CCDC60: variants seen among roughly 807,000 people sequenced by gnomAD.
CCDC60 encodes coiled-coil domain-containing protein 60.
Under a neutral mutation model 63.5 loss-of-function variants are expected in CCDC60, and 54 were observed. The observed-to-expected ratio is 0.85, with a 90% CI of 0.68 to 1.07. The LOEUF (loss-of-function observed/expected upper bound fraction) is 1.07. CCDC60 is among the 50% of genes least tolerant of loss of function. CCDC60 has a pLI of 0.00. For synonymous variants in CCDC60, 206 were observed against 238.8 expected, an observed-to-expected ratio of 0.86 and a Z score of 1.27; for missense variants, 651 against 684.3, an observed-to-expected ratio of 0.95 and a Z score of 0.54.
At chr12:119,359,453 T>G (rs952427120) in intron 1 of CCDC60, among the ~76,000 whole-genome samples, 1 of 152,200 alleles carries the variant, frequency 6.6e-6, no homozygotes, top group African/African-American at 2.4e-5. Context: ...TCCTAATAAG[T>G]ACTGTCCTCA....
At chr12:119,435,759 A>G (rs1257342360) in intron 2 of CCDC60, among the ~76,000 whole-genome samples, 1 of 152,078 alleles carries the variant, frequency 6.6e-6, no homozygotes, top group African/African-American at 2.4e-5. Flanking sequence ...CCCAAAACTC[A>G]GTAACTTAAA....
At chr12:119,455,988 AG>A (rs1199931917) in intron 2 of CCDC60, among the ~76,000 whole-genome samples, 1 of 49,368 alleles carries the variant, frequency 2.0e-5, no homozygotes, top group African/African-American at 1.2e-4. Context: ...GGAGAGAGAA[AG>A]AGAGAGAGAA....
rs376983806 is a variant in CCDC60 at position 119,335,124 on chromosome 12, C to G, written c.-53C>G. 2.7e-4 allele frequency: 401 copies of G among 1,467,270 alleles called. 1 individual carries two copies. In the African/African-American group the frequency reaches 3.8e-3, roughly 14 times the overall value. The allele number at this position is 1,467,270 out of a possible 1,614,324, so 90.9% of individuals were successfully genotyped here. On this transcript the variant is annotated 5_prime_UTR_variant, in exon 1 of 14. Coordinates refer to ENST00000327554, the MANE Select transcript of CCDC60 (RefSeq NM_178499.5). Reference sequence around the variant, plus strand: ...CCAGTAACTACTGAAGTAGAAGATTCTGGAAAAATCCTTGTCTTGGGGGCA... The same window carrying G: ...CCAGTAACTACTGAAGTAGAAGATTGTGGAAAAATCCTTGTCTTGGGGGCA...
At chr12:119,370,092 T>A (rs1196253073) in intron 1 of CCDC60, among the ~76,000 whole-genome samples, 3 of 152,178 alleles carry the variant, frequency 2.0e-5, no homozygotes, top group Admixed American at 6.5e-5. Context: ...AGGTGGTCAC[T>A]TAACGTGTTC....
At chr12:119,497,753 A>G (rs1054160951) in intron 5 of CCDC60, among the ~76,000 whole-genome samples, 4 of 151,242 alleles carry the variant, frequency 2.6e-5, no homozygotes, top group African/African-American at 9.7e-5. Flanking sequence ...CCAAAGTGAA[A>G]AAAAAAAAAC....
intron 1 of CCDC60, among the ~76,000 whole-genome samples, chr12:119,387,358 T>C (rs1357551842): frequency 6.6e-6 from 1 of 152,196 alleles, no homozygotes; most frequent in African/African-American, 2.4e-5. Context: ...AACTTACATC[T>C]GTGCATTCTA....
At chr12:119,506,438 C>CA (rs35584778) in intron 7 of CCDC60, among the ~76,000 whole-genome samples, 4,310 of 87,124 alleles carry the variant, frequency 0.049, 133 homozygotes, top group Non-Finnish European at 0.069. Context: ...CCTCATCTCT[C>CA]AAAAAAAAAA....
chr12:119,506,081 G>A (rs1951991760), intron 7 of CCDC60, among the ~76,000 whole-genome samples: 1 of 152,094 alleles, frequency 6.6e-6, no homozygotes, highest in South Asian at 2.1e-4. Flanking sequence ...TAAACTTGGA[G>A]TTGTGTAACC....
rs1186231517 is a variant in CCDC60 at position 119,520,120 on chromosome 12, G to A, written c.969-1G>A. 5.0e-6 allele frequency: 8 copies of A among 1,613,354 alleles called. No individual in the cohort carries two copies. Among genetic ancestry groups the A allele is most frequent in the Non-Finnish European group, 6.8e-6 (8 of 1,179,744 alleles). Reference sequence around the variant, plus strand: ...GTTAAAGGACTCATTTTGCCTTGCAGCATCTTGTCAGTGCTGAAACAAAAC... The same window carrying A: ...GTTAAAGGACTCATTTTGCCTTGCAACATCTTGTCAGTGCTGAAACAAAAC... On this transcript the variant is annotated splice_acceptor_variant, in intron 8 of 13. Transcript: ENST00000327554. LOFTEE classifies it high-confidence loss of function.
At chr12:119,496,671 C>T (rs1039051573) in intron 5 of CCDC60, among the ~76,000 whole-genome samples, 5 of 152,210 alleles carry the variant, frequency 3.3e-5, no homozygotes, top group African/African-American at 9.6e-5. Flanking sequence ...AATCCTTTGT[C>T]ATAGCTGCTA....
At chr12:119,441,747 G>T (rs1004959745) in intron 2 of CCDC60, among the ~76,000 whole-genome samples, 2 of 152,148 alleles carry the variant, frequency 1.3e-5, no homozygotes, top group Non-Finnish European at 2.9e-5. Flanking sequence ...CAGTATCTGC[G>T]TAGTATTTAT....
intron 1 of CCDC60, among the ~76,000 whole-genome samples, chr12:119,352,411 C>T (rs1847063451): frequency 6.6e-6 from 1 of 152,134 alleles, no homozygotes; most frequent in African/African-American, 2.4e-5. Flanking sequence ...TGTTTTGAAA[C>T]CTGAGGACAA....
intron 7 of CCDC60, among the ~76,000 whole-genome samples, chr12:119,508,396 G>T (rs143918853): frequency 7.9e-5 from 12 of 151,326 alleles, no homozygotes; most frequent in Non-Finnish European, 1.6e-4. Context: ...CAGGAGAATC[G>T]CTTGAACCCT....
rs770710003 is a variant in CCDC60 at position 119,335,250 on chromosome 12, C to G, written c.74C>G (p.Ser25Trp). Residue 25 changes from serine to tryptophan, a missense_variant, in exon 1 of 14, where the codon TCG (serine) becomes TGG (tryptophan). Coordinates refer to ENST00000327554, the MANE Select transcript of CCDC60 (RefSeq NM_178499.5). ...GGGGCTGTCCGGCCCTTTTATGCCTCGGAGAACCTAAGGCAGGTAAGTCTC... is the reference window on the plus strand; with the variant it reads ...GGGGCTGTCCGGCCCTTTTATGCCTGGGAGAACCTAAGGCAGGTAAGTCTC... Reference protein sequence around the residue: ...NSGAVRPFYASENLRQVPDKP... With the variant: ...NSGAVRPFYAWENLRQVPDKP... 6.2e-7 allele frequency: 1 copy of G among 1,602,230 alleles called. No individual in the cohort carries two copies. The highest frequency in any genetic ancestry group is 2.3e-5 in the East Asian group (1 of 44,142).
At chr12:119,344,855 T>TCTCACACACACA (rs1232194303) in intron 1 of CCDC60, among the ~76,000 whole-genome samples, 16 of 114,800 alleles carry the variant, frequency 1.4e-4, no homozygotes, top group Admixed American at 5.8e-4. Flanking sequence ...TCTCTCTCTC[T>TCTCACACACACA]CACACACACA....
At chr12:119,336,203 C>G (rs1955469394) in intron 1 of CCDC60, among the ~76,000 whole-genome samples, 1 of 151,782 alleles carries the variant, frequency 6.6e-6, no homozygotes, top group African/African-American at 2.4e-5. Flanking sequence ...ATGTAACTAA[C>G]CTGCACAATG....
chr12:119,396,743 G>A (rs779497091), intron 1 of CCDC60, among the ~76,000 whole-genome samples: 4 of 152,130 alleles, frequency 2.6e-5, no homozygotes, highest in Non-Finnish European at 4.4e-5. Context: ...TTAGACAAGT[G>A]TCTGGTGTGT....
chr12:119,337,824 TTGTGTGTG>T (rs60009617), intron 1 of CCDC60, among the ~76,000 whole-genome samples: 15,192 of 140,580 alleles, frequency 0.11, 1,456 homozygotes, highest in East Asian at 0.58. Context: ...GTGTGTGTAT[TTGTGTGTG>T]TGTGTGTGTG....
rs200121723 is a variant in CCDC60 at position 119,512,648 on chromosome 12, C to T, written c.884-3975C>T. On this transcript the variant is annotated intron_variant, in intron 7 of 13. Transcript: ENST00000327554. ...TATCAAAAGTGCATGAAACCAACAT[C>T]GGCCACACTGCTCTCTGTTCTGAGA... Among the ~76,000 whole-genome samples, 4 of 152,348 alleles carry T rather than the reference C, an allele frequency of 2.6e-5. No homozygotes were observed. The South Asian group carries it at 6.2e-4, about 24-fold the overall frequency.
Sources: gnomAD v4.1 joint callset for allele counts (sites outside exome capture counted in the v4.1 genomes callset) on GRCh38, gnomAD v4.1.1 for gene constraint, MANE v1.5 for transcripts, NCBI Gene and HGNC (gene_info 2026-07-23, HGNC 2026-07-21) for gene names.